Variants in MOB1B observed in about 807,000 individuals in gnomAD.
MOB1B encodes the protein MOB1 Mps One Binder homolog B.
In MOB1B, 19 loss-of-function variants were observed where a neutral mutation model predicts 24.4. The ratio of observed to expected loss-of-function variants is 0.78; its 90% confidence interval spans 0.54 to 1.14. MOB1B has a LOEUF of 1.14. MOB1B is among the 50% of genes most tolerant of loss of function. MOB1B has a pLI of 0.00. For missense variants in MOB1B, 243 were observed against 259.6 expected (o/e 0.94, Z 0.44); for synonymous variants, 76 against 82.1 (o/e 0.93, Z 0.40).
intron 1 of MOB1B, among the ~76,000 whole-genome samples, chr4:70,917,020 G>T (rs1001761505): frequency 6.6e-6 from 1 of 152,168 alleles, no homozygotes; most frequent in African/African-American, 2.4e-5. Context: ...TTTTACAGTA[G>T]AATTTGCTAT....
intron 1 of MOB1B, among the ~76,000 whole-genome samples, chr4:70,933,303 T>G (rs771871029): frequency 4.6e-5 from 7 of 152,128 alleles, no homozygotes; most frequent in Non-Finnish European, 7.3e-5. Context: ...GACATGAGAT[T>G]TGGGTAGGGA....
At chr4:70,966,535 C>T (rs559402309) in intron 2 of MOB1B, among the ~76,000 whole-genome samples, 53 of 151,546 alleles carry the variant, frequency 3.5e-4, no homozygotes, top group Non-Finnish European at 6.0e-4. Context: ...CCACTGTGCC[C>T]GGCTAATTTT....
At chr4:70,950,195 G>A (rs1361502888) in intron 1 of MOB1B, among the ~76,000 whole-genome samples, 1 of 152,036 alleles carries the variant, frequency 6.6e-6, no homozygotes, top group African/African-American at 2.4e-5. Flanking sequence ...CAGCACTTTG[G>A]GAGGCTGAGA....
chr4:70,920,156 G>T (rs1423615115), intron 1 of MOB1B, among the ~76,000 whole-genome samples: 1 of 152,034 alleles, frequency 6.6e-6, no homozygotes, highest in African/African-American at 2.4e-5. Context: ...ACATGAACTA[G>T]ATAAAAGACA....
intron 5 of MOB1B, 52 bp from the exon 6 acceptor site, chr4:70,981,928 A>T (rs1334368724): frequency 1.8e-6 from 2 of 1,142,638 alleles, no homozygotes; most frequent in Non-Finnish European, 2.6e-6. Context: ...TTGGAATAAG[A>T]TGCAAATAAT....
At chr4:70,958,082 A>C (rs1475453287) in intron 1 of MOB1B, among the ~76,000 whole-genome samples, 2 of 152,066 alleles carry the variant, frequency 1.3e-5, no homozygotes, top group Non-Finnish European at 2.9e-5. Context: ...CTAGCTACTT[A>C]ACTGCTTAAC....
Position 70,987,387 on chromosome 4 carries a change from TG to T in MOB1B, c.*5331del. On this transcript the variant is annotated 3_prime_UTR_variant, in exon 6 of 6. Transcript: ENST00000309395. ...TTTCTTACCATTTTGCACAAGTTTT[TG>T]TTTTTCTGAAATACTTAATTGTGCA... is the stretch of plus-strand genomic sequence containing the variant. The T allele has an allele frequency of 6.6e-6, 1 of 152,212 alleles. No homozygotes were observed. Among genetic ancestry groups the T allele is most frequent in the South Asian group, 2.1e-4 (1 of 4,830 alleles). The allele number at this position is 152,212 out of a possible 1,614,324, so 9.4% of individuals were successfully genotyped here. A position where few individuals can be genotyped will look rare whatever the true frequency, so the allele number is the denominator to read the frequency against.
chr4:70,983,710 G>A lies in MOB1B; in HGVS notation c.*1653G>A, dbSNP rs892870158. The A allele has an allele frequency of 1.3e-5, 2 of 152,484 alleles. No homozygotes were observed. Among genetic ancestry groups the A allele is most frequent in the South Asian group, 4.1e-4 (2 of 4,822 alleles). 9.4% of individuals were successfully genotyped at this position (152,484 alleles called of 1,614,324 possible). A position where few individuals can be genotyped will look rare whatever the true frequency, so the allele number is the denominator to read the frequency against. ...TGTTTTGCCATTAAAGTAGAGCAGT[G>A]ATACAATTTAATGCCATTACAATTA... On this transcript the variant is annotated 3_prime_UTR_variant, in exon 6 of 6. Coordinates refer to ENST00000309395, the MANE Select transcript of MOB1B (RefSeq NM_173468.4).
rs549965769 is a variant in MOB1B, at chr4:70,957,757, T to A, written c.15-1117T>A. Reference sequence around the variant, plus strand: ...CCACACTCAGCTCCCTGCCTTATTTTTTTTTTTTTTTTTTCAAGAGATGGG... The same window carrying A: ...CCACACTCAGCTCCCTGCCTTATTTATTTTTTTTTTTTTTCAAGAGATGGG... On this transcript the variant is annotated intron_variant, in intron 1 of 5. Transcript: ENST00000309395. Among the ~76,000 whole-genome samples the A allele has an allele frequency of 5.1e-3, 752 of 148,054 alleles. 9 individuals carry two copies. The highest frequency in any genetic ancestry group is 0.017 in the African/African-American group (657 of 38,324).
chr4:70,944,595 GA>G (rs1411871101), intron 1 of MOB1B, among the ~76,000 whole-genome samples: 1 of 152,150 alleles, frequency 6.6e-6, no homozygotes, highest in African/African-American at 2.4e-5. Flanking sequence ...TAATTTATAA[GA>G]AAAGAGGTTT....
At chr4:70,953,002 G>A (rs1000514613) in intron 1 of MOB1B, among the ~76,000 whole-genome samples, 28 of 146,184 alleles carry the variant, frequency 1.9e-4, no homozygotes, top group Admixed American at 3.5e-4. Flanking sequence ...GAGTGAAGTG[G>A]TGCAATTTTG....
chr4:70,934,209 C>T (rs1268418998), intron 1 of MOB1B, among the ~76,000 whole-genome samples: 3 of 151,766 alleles, frequency 2.0e-5, no homozygotes, highest in Non-Finnish European at 2.9e-5. Context: ...CTCAGCCTAC[C>T]GAGTAGCCAG....
intron 1 of MOB1B, among the ~76,000 whole-genome samples, chr4:70,909,065 A>G (rs909788748): frequency 6.6e-6 from 1 of 151,828 alleles, no homozygotes; most frequent in Non-Finnish European, 1.5e-5. Flanking sequence ...AAAAAAAAAA[A>G]AATTAGCAAT....
chr4:70,963,253 G>A (rs1250003901), intron 2 of MOB1B, among the ~76,000 whole-genome samples: 1 of 152,034 alleles, frequency 6.6e-6, no homozygotes, highest in Non-Finnish European at 1.5e-5. Context: ...ATAGCTACTT[G>A]GGAGGCTGAG....
At chr4:70,974,749 C>T (rs1738906778) in intron 3 of MOB1B, among the ~76,000 whole-genome samples, 1 of 151,886 alleles carries the variant, frequency 6.6e-6, no homozygotes, top group Non-Finnish European at 1.5e-5. Context: ...AATTTAAAGC[C>T]CCAAGTTAAA....
At chr4:70,954,541 C>T (rs567391750) in intron 1 of MOB1B, among the ~76,000 whole-genome samples, 53 of 147,068 alleles carry the variant, frequency 3.6e-4, no homozygotes, top group Admixed American at 1.0e-3. Context: ...CTGCAACCTC[C>T]GCCTCCTGGG....
At chr4:70,936,796 T>C (rs1232641395) in intron 1 of MOB1B, among the ~76,000 whole-genome samples, 1 of 152,238 alleles carries the variant, frequency 6.6e-6, no homozygotes, top group African/African-American at 2.4e-5. Flanking sequence ...TCATACTTGA[T>C]TGGCATTATG....
intron 1 of MOB1B, among the ~76,000 whole-genome samples, chr4:70,906,326 A>G (rs1735746009): frequency 6.6e-6 from 1 of 151,890 alleles, no homozygotes; most frequent in Admixed American, 6.6e-5. Context: ...GCAGTGGGCC[A>G]AGATTGTGCC....
chr4:70,975,732 A>T (rs1738957236), intron 4 of MOB1B: 1 of 978,364 alleles, frequency 1.0e-6, no homozygotes, highest in Non-Finnish European at 1.2e-6. Flanking sequence ...CCCTTTCAGT[A>T]GAAAGTTCTA....
Sources: gnomAD v4.1 joint callset for allele counts (sites outside exome capture counted in the v4.1 genomes callset) on GRCh38, gnomAD v4.1.1 for gene constraint, MANE v1.5 for transcripts, NCBI Gene and HGNC (gene_info 2026-07-23, HGNC 2026-07-21) for gene names.